The following SGCZ variants were observed in gnomAD, a reference collection of about 807,000 sequenced individuals.
SGCZ encodes sarcoglycan zeta, also known as zeta-sarcoglycan.
Under a neutral mutation model 41.3 loss-of-function variants are expected in SGCZ, and 40 were observed. The ratio of observed to expected loss-of-function variants is 0.97; its 90% CI spans 0.75 to 1.26. SGCZ has a LOEUF of 1.26. Ranked by LOEUF, SGCZ falls within the 50% of genes most tolerant of loss-of-function variation. SGCZ has a pLI of 0.00. For missense variants in SGCZ, 552 were observed against 369.8 expected, an observed-to-expected ratio of 1.49 and a Z score of -4.04; for synonymous variants, 206 against 137.5, an observed-to-expected ratio of 1.50 and a Z score of -3.49.
At chr8:14,493,022 C>A (rs1011532285) in intron 2 of SGCZ, among the ~76,000 whole-genome samples, 6 of 152,154 alleles carry the variant, frequency 3.9e-5, no homozygotes, top group African/African-American at 9.7e-5. Context: ...TGGTGACCAC[C>A]TCTAAAGTGC....
At chr8:14,847,621 T>C (rs1455191373) in intron 1 of SGCZ, among the ~76,000 whole-genome samples, 2 of 145,396 alleles carry the variant, frequency 1.4e-5, no homozygotes, top group Non-Finnish European at 3.0e-5. Context: ...GAAATAACTT[T>C]ATAAAGAGGG....
chr8:14,223,175 G>A (rs1478189422), intron 4 of SGCZ, among the ~76,000 whole-genome samples: 1 of 152,034 alleles, frequency 6.6e-6, no homozygotes, highest in Non-Finnish European at 1.5e-5. Flanking sequence ...TGGTTCCTTT[G>A]TACGTTTTAC....
intron 2 of SGCZ, among the ~76,000 whole-genome samples, chr8:14,327,806 G>C (rs1297126114): frequency 6.6e-6 from 1 of 152,108 alleles, no homozygotes; most frequent in African/African-American, 2.4e-5. Flanking sequence ...TTTTGAGATG[G>C]AGTCTCGCTC....
chr8:14,100,508 TTAATA>T (rs1801981773), intron 7 of SGCZ, among the ~76,000 whole-genome samples: 2 of 148,180 alleles, frequency 1.3e-5, no homozygotes, highest in South Asian at 4.2e-4. Flanking sequence ...AATCCTGATA[TTAATA>T]TATTATATTA....
intron 1 of SGCZ, among the ~76,000 whole-genome samples, chr8:14,824,307 T>C (rs1802215273): frequency 6.6e-6 from 1 of 152,114 alleles, no homozygotes. Context: ...TGACTACCGA[T>C]TATTGGATCA....
At chr8:14,973,703 TA>T (rs1335885042) in intron 1 of SGCZ, among the ~76,000 whole-genome samples, 2 of 152,194 alleles carry the variant, frequency 1.3e-5, no homozygotes, top group Admixed American at 6.5e-5. Flanking sequence ...TATAACTTCT[TA>T]CGACCTTAGA....
chr8:14,851,591 G>C (rs1419072917), intron 1 of SGCZ, among the ~76,000 whole-genome samples: 1 of 152,012 alleles, frequency 6.6e-6, no homozygotes, highest in East Asian at 1.9e-4. Context: ...TTATCATGCT[G>C]TTTACTGTCC....
At chr8:14,244,874 T>C (rs1265221207) in intron 3 of SGCZ, among the ~76,000 whole-genome samples, 3 of 152,116 alleles carry the variant, frequency 2.0e-5, no homozygotes, top group Admixed American at 2.0e-4. Flanking sequence ...GGGAGTTGAC[T>C]CATGATTTGG....
chr8:15,129,879 C>T (rs1011177439), intron 1 of SGCZ, among the ~76,000 whole-genome samples: 1 of 151,900 alleles, frequency 6.6e-6, no homozygotes, highest in Non-Finnish European at 1.5e-5. Context: ...AGACAGTCAC[C>T]ACCACCGACA....
chr8:14,120,090 A>G (rs1585152527), intron 5 of SGCZ, among the ~76,000 whole-genome samples: 1 of 152,116 alleles, frequency 6.6e-6, no homozygotes, highest in Non-Finnish European at 1.5e-5. Context: ...TTAAAGGCTC[A>G]CATTTATTCC....
intron 5 of SGCZ, among the ~76,000 whole-genome samples, chr8:14,111,131 G>C (rs774505747): frequency 6.6e-6 from 1 of 152,042 alleles, no homozygotes. Context: ...TTACCATGTA[G>C]ATTACTAGTA....
chr8:14,183,342 G>C (rs1804792563), intron 4 of SGCZ, among the ~76,000 whole-genome samples: 1 of 151,750 alleles, frequency 6.6e-6, no homozygotes, highest in African/African-American at 2.4e-5. Context: ...GAAAATGATA[G>C]AAAATCATAA....
intron 1 of SGCZ, among the ~76,000 whole-genome samples, chr8:15,117,498 G>C (rs929653619): frequency 2.0e-4 from 30 of 152,156 alleles, no homozygotes; most frequent in Admixed American, 1.5e-3. Flanking sequence ...AGAATACAGA[G>C]GGAGAAGAGA....
intron 1 of SGCZ, among the ~76,000 whole-genome samples, chr8:15,128,266 G>A (rs1563140520): frequency 6.6e-6 from 1 of 152,118 alleles, no homozygotes; most frequent in African/African-American, 2.4e-5. Context: ...TGATGTCTTG[G>A]TTACTCTAAA....
At chr8:14,618,112 T>C (rs1034653320) in intron 1 of SGCZ, among the ~76,000 whole-genome samples, 1 of 152,170 alleles carries the variant, frequency 6.6e-6, no homozygotes, top group South Asian at 2.1e-4. Flanking sequence ...AGCAAAACTA[T>C]GTGCCATGCA....
intron 1 of SGCZ, among the ~76,000 whole-genome samples, chr8:14,637,042 AT>A (rs945196002): frequency 4.0e-5 from 6 of 150,682 alleles, no homozygotes; most frequent in South Asian, 2.1e-4. Flanking sequence ...GCAATCTCCT[AT>A]TTTTTTTCTT....
At chr8:14,612,306 C>A (rs531646999) in intron 1 of SGCZ, among the ~76,000 whole-genome samples, 4 of 152,246 alleles carry the variant, frequency 2.6e-5, no homozygotes, top group Non-Finnish European at 2.9e-5. Flanking sequence ...CTCATGAGAT[C>A]TGATGCTTTA....
chr8:14,144,470 G>C (rs950806353), intron 5 of SGCZ, among the ~76,000 whole-genome samples: 2 of 152,152 alleles, frequency 1.3e-5, no homozygotes, highest in Non-Finnish European at 2.9e-5. Context: ...GTAACCAGTA[G>C]CAATACCCAG....
intron 1 of SGCZ, among the ~76,000 whole-genome samples, chr8:14,820,561 G>C (rs545522803): frequency 1.3e-5 from 2 of 152,140 alleles, no homozygotes; most frequent in East Asian, 3.9e-4. Flanking sequence ...AACTGCATTT[G>C]GAACATTTTC....
Sources: gnomAD v4.1 joint callset for allele counts (sites outside exome capture counted in the v4.1 genomes callset) on GRCh38, gnomAD v4.1.1 for gene constraint, MANE v1.5 for transcripts, NCBI Gene and HGNC (gene_info 2026-07-23, HGNC 2026-07-21) for gene names.